The following RPGRIP1L variants were observed in gnomAD, a reference collection of about 807,000 sequenced individuals.
RPGRIP1L encodes RPGRIP1 like.
In RPGRIP1L, 131 loss-of-function variants were observed where a neutral mutation model predicts 160.4. The observed-to-expected ratio is 0.82, with a 90% confidence interval of 0.71 to 0.94. RPGRIP1L has a LOEUF of 0.94. Ranked by LOEUF, RPGRIP1L falls within the 40% of genes least tolerant of loss-of-function variation. The pLI, the probability that RPGRIP1L is intolerant of heterozygous loss-of-function variation, is 0.00. For missense variants in RPGRIP1L, 1,522 were observed against 1,535.8 expected, an observed-to-expected ratio of 0.99 and a Z score of 0.15; for synonymous variants, 510 against 515.8, an observed-to-expected ratio of 0.99 and a Z score of 0.15.
At chr16:53,652,315 C>T (rs1419538539) in intron 15 of RPGRIP1L, among the ~76,000 whole-genome samples, 1 of 152,140 alleles carries the variant, frequency 6.6e-6, no homozygotes, top group Non-Finnish European at 1.5e-5. Flanking sequence ...TCAAGTGCTT[C>T]ACCTGCCTCG....
intron 9 of RPGRIP1L, among the ~76,000 whole-genome samples, chr16:53,670,832 C>A (rs991380651): frequency 2.0e-5 from 3 of 152,278 alleles, no homozygotes; most frequent in East Asian, 1.9e-4. Context: ...CAGTGGCTCA[C>A]CCCTGTAATC....
At chr16:53,686,373 T>A in intron 6 of RPGRIP1L, 60 bp downstream of exon 6, 1 of 1,518,146 alleles carries the variant, frequency 6.6e-7, no homozygotes, top group Non-Finnish European at 9.1e-7. Flanking sequence ...TTATGGCACA[T>A]GATAAAGTAT....
In RPGRIP1L at chr16:53,598,466, G is replaced by A. The variant is rs985101054; in HGVS notation, c.*3610C>T. 6.6e-6 allele frequency: 1 copy of A among 152,208 alleles called. No homozygotes were observed. Among genetic ancestry groups the A allele is most frequent in the African/African-American group, 2.4e-5 (1 of 41,456 alleles). The allele number at this position is 152,208 out of a possible 1,614,324, so 9.4% of individuals were successfully genotyped here. The stretch of plus-strand genomic sequence containing the variant: ...TGGGTCCAATTTTCCAGGCGGTCAG[G>A]CTGGAGGGTGCAGTCCACTGGTGGC... On this transcript the variant is annotated 3_prime_UTR_variant, in exon 27 of 27. Transcript: ENST00000647211.
intron 9 of RPGRIP1L, among the ~76,000 whole-genome samples, chr16:53,669,633 T>C (rs1968549980): frequency 6.6e-6 from 1 of 152,092 alleles, no homozygotes; most frequent in South Asian, 2.1e-4. Context: ...GTTCAGCAAA[T>C]TTTCAAACTG....
At chr16:53,667,663 A>G (rs2151213991) in intron 9 of RPGRIP1L, among the ~76,000 whole-genome samples, 1 of 152,274 alleles carries the variant, frequency 6.6e-6, no homozygotes, top group East Asian at 1.9e-4. Flanking sequence ...ACTTGAGGTC[A>G]GGAGTTCGAG....
intron 25 of RPGRIP1L, among the ~76,000 whole-genome samples, chr16:53,607,752 T>C (rs1037864651): frequency 5.3e-5 from 8 of 152,138 alleles, no homozygotes; most frequent in African/African-American, 1.4e-4. Context: ...AAAAATGCAA[T>C]ATTTCTGGCT....
rs568736272 is a variant in RPGRIP1L, at chr16:53,698,259, C to T, written c.86-1964G>A. Among the ~76,000 whole-genome samples, 872 of 151,486 alleles carry T rather than the reference C, an allele frequency of 5.8e-3. 2 individuals carry two copies. Among genetic ancestry groups the T allele is most frequent in the African/African-American group, 0.02 (825 of 41,072 alleles). On this transcript the variant is annotated intron_variant, in intron 2 of 26. Transcript: ENST00000647211. ...CTCTCCGCCCGGCAGCCGACCCGTC[C>T]GGGAGGGAGGTGGGGGGTCAGCCCC...
chr16:53,687,794 G>T, intron 5 of RPGRIP1L, 69 bp downstream of exon 5: 1 of 927,328 alleles, frequency 1.1e-6, no homozygotes, highest in South Asian at 1.3e-5. Flanking sequence ...TAAAGGAAAG[G>T]GAAGGATAAA....
At position 53,645,656 on chromosome 16, in the gene RPGRIP1L, C is replaced by T; in HGVS notation, c.2652G>A (p.Leu884=). The T allele has an allele frequency of 6.2e-7, 1 of 1,613,922 alleles. No individual in the cohort carries two copies. Among genetic ancestry groups the T allele is most frequent in the Non-Finnish European group, 8.5e-7 (1 of 1,179,968 alleles). Residue 884 remains leucine (L), a synonymous_variant, in exon 17 of 27, where the codon CTG becomes CTA. Transcript: ENST00000647211. ...TACACCTGTCATGTGCCAACGAAAT[C>T]AGAGGCACATTGACTTTTCCTATGT... The part of the protein sequence containing the change: ...NIYIGKVNVP[L]ISLAHDRCIS...
At chr16:53,652,011 T>C (rs963022053) in intron 15 of RPGRIP1L, among the ~76,000 whole-genome samples, 25 of 152,152 alleles carry the variant, frequency 1.6e-4, no homozygotes, top group African/African-American at 5.8e-4. Context: ...AGAGTATCAA[T>C]ACAATAAACA....
chr16:53,657,821 T>A (rs1256279405), intron 12 of RPGRIP1L, among the ~76,000 whole-genome samples, 189 bp from the exon 13 acceptor site: 1 of 152,070 alleles, frequency 6.6e-6, no homozygotes, highest in Admixed American at 6.5e-5. Context: ...AAATGAAATT[T>A]ACCTGTTAAT....
At chr16:53,659,088 A>G in intron 10 of RPGRIP1L, 1 of 633,542 alleles carries the variant, frequency 1.6e-6, no homozygotes, top group Non-Finnish European at 2.5e-6. Context: ...TCACTTGCTC[A>G]TCAAAAACCC....
rs139503476 is a variant in RPGRIP1L at position 53,645,665 on chromosome 16, A to T, written c.2643T>A (p.Asn881Lys). The T allele has an allele frequency of 3.1e-4, 500 of 1,614,046 alleles. 2 individuals carry two copies. The African/African-American group carries it at 5.4e-3, about 17-fold the overall frequency. Reference sequence around the variant, plus strand: ...CATGTGCCAACGAAATCAGAGGCACATTGACTTTTCCTATGTAAATATTCT... The same window carrying T: ...CATGTGCCAACGAAATCAGAGGCACTTTGACTTTTCCTATGTAAATATTCT... Reference protein sequence around the residue: ...TQENIYIGKVNVPLISLAHDR... With the variant: ...TQENIYIGKVKVPLISLAHDR... Residue 881 changes from asparagine (N) to lysine (K), a missense_variant, in exon 17 of 27, where the codon AAT (asparagine) becomes AAA (lysine). By Grantham distance (94) the Asn-to-Lys change is moderately conservative. Transcript: ENST00000647211.
In RPGRIP1L at chr16:53,692,309, C is replaced by T; in HGVS notation, c.286G>A (p.Gly96Ser). Reference protein sequence around the residue: ...VNDKKRYERVGGGPKRLGRDV... With the variant: ...VNDKKRYERVSGGPKRLGRDV... ...CGTCCCAGCCGCTTGGGGCCGCCAC[C>T]AACCCGCTCATATCTTTTCTTGTCA... The change falls in exon 4 of 27, where the codon GGT (glycine) becomes AGT (serine). Residue 96 changes from glycine (G) to serine (S), a missense_variant. By Grantham distance (56) the Gly-to-Ser change is moderately conservative. Transcript: ENST00000647211. 6.2e-7 allele frequency: 1 copy of T among 1,614,132 alleles called. No individual in the cohort carries two copies. Among genetic ancestry groups the T allele is most frequent in the Non-Finnish European group, 8.5e-7 (1 of 1,180,008 alleles).
At position 53,692,113 on chromosome 16, in the gene RPGRIP1L, C is replaced by A. The variant is rs74957591; in HGVS notation, c.482G>T (p.Arg161Leu). 6.3e-5 allele frequency: 102 copies of A among 1,613,854 alleles called. No individual in the cohort carries two copies. Among genetic ancestry groups the A allele is most frequent in the Non-Finnish European group, 8.5e-5 (100 of 1,180,008 alleles). Residue 161 changes from arginine to leucine, a missense_variant, in exon 4 of 27, where the codon CGT (arginine) becomes CTT (leucine). Transcript: ENST00000647211. Reference protein sequence around the residue: ...NNVQSRINTGRRKANENAGLQ... With the variant: ...NNVQSRINTGLRKANENAGLQ... ...ACCAGCATTTTCATTTGCTTTTCTA[C>A]GCCCAGTGTTAATACGAGATTGTAC...
chr16:53,697,814 T>C (rs1247052078), intron 2 of RPGRIP1L, among the ~76,000 whole-genome samples: 3 of 134,902 alleles, frequency 2.2e-5, no homozygotes, highest in Admixed American at 7.3e-5. Context: ...CGTCTCTGCC[T>C]GGCCGCCCAT....
At chr16:53,668,772 T>C (rs1968482656) in intron 9 of RPGRIP1L, among the ~76,000 whole-genome samples, 1 of 152,150 alleles carries the variant, frequency 6.6e-6, no homozygotes, top group Non-Finnish European at 1.5e-5. Flanking sequence ...CAGAAAGATA[T>C]AATTGCAAAA....
chr16:53,673,454 T>C (rs1258450900), intron 7 of RPGRIP1L, among the ~76,000 whole-genome samples: 2 of 152,192 alleles, frequency 1.3e-5, no homozygotes, highest in Non-Finnish European at 2.9e-5. Flanking sequence ...CAGCCTTGGA[T>C]GGTCAGCTTT....
intron 9 of RPGRIP1L, among the ~76,000 whole-genome samples, chr16:53,666,157 T>C (rs761251181): frequency 2.3e-4 from 35 of 152,136 alleles, no homozygotes; most frequent in Non-Finnish European, 4.6e-4. Context: ...TCAGTTTTTA[T>C]CCCAAAAAAG....
Sources: allele counts gnomAD v4.1 joint callset (sites outside exome capture counted in the v4.1 genomes callset), GRCh38; gene constraint gnomAD v4.1.1; transcripts MANE v1.5; gene names NCBI Gene and HGNC (gene_info 2026-07-23, HGNC 2026-07-21).